The following FBXO7 variants were observed in gnomAD, a reference collection of about 807,000 sequenced individuals.
FBXO7 encodes the protein F-box protein 7.
A neutral mutation model predicts 50.2 loss-of-function variants in FBXO7; 31 were observed. That is an observed-to-expected ratio of 0.62 (90% confidence interval 0.46 to 0.83). FBXO7 has a LOEUF of 0.83. Ranked by LOEUF, FBXO7 falls within the 40% of genes least tolerant of loss-of-function variation. The pLI is 0.00. For synonymous variants in FBXO7, 256 were observed against 253.1 expected (o/e 1.01, Z -0.11); for missense variants, 667 against 646.6 (o/e 1.03, Z -0.34).
chr22:32,480,649 G>A (rs1469027218), intron 2 of FBXO7, among the ~76,000 whole-genome samples: 3 of 150,224 alleles, frequency 2.0e-5, no homozygotes, highest in Non-Finnish European at 3.0e-5. Flanking sequence ...TTATTGCCTT[G>A]TACATGCCTC....
chr22:32,479,137 A>G lies in FBXO7; in HGVS notation c.279A>G (p.Ser93=). The G allele has an allele frequency of 6.2e-7, 1 of 1,614,202 alleles. No individual in the cohort carries two copies. Among genetic ancestry groups the G allele is most frequent in the Non-Finnish European group, 8.5e-7 (1 of 1,180,040 alleles). Reference sequence around the variant, plus strand: ...CTAATATACCTTCATCCACAGATTCAGAGCATTCTTCACTCCAGAATAATG... The same window carrying G: ...CTAATATACCTTCATCCACAGATTCGGAGCATTCTTCACTCCAGAATAATG... ...PAPNIPSSTD[S]EHSSLQNNEQ... Residue 93 remains serine, a synonymous_variant, in exon 2 of 9, where the codon TCA becomes TCG. Coordinates refer to ENST00000266087, the MANE Select transcript of FBXO7 (RefSeq NM_012179.4).
At chr22:32,493,033 T>A in intron 6 of FBXO7, 72 bp from the exon 7 acceptor site, 1 of 1,454,248 alleles carries the variant, frequency 6.9e-7, no homozygotes, top group Non-Finnish European at 9.7e-7. Context: ...GTGGCAACTT[T>A]GTTGACTATG....
intron 1 of FBXO7, chr22:32,475,380 G>A: frequency 1.2e-6 from 2 of 1,611,510 alleles, no homozygotes; most frequent in Non-Finnish European, 1.7e-6. Flanking sequence ...GCCTCCCGGG[G>A]GCTCTGGTCC....
chr22:32,483,463 G>C (rs186990882), intron 2 of FBXO7, among the ~76,000 whole-genome samples: 54 of 152,316 alleles, frequency 3.5e-4, no homozygotes, highest in African/African-American at 1.3e-3. Context: ...CAGGGACTGG[G>C]GTGTATTGGA....
chr22:32,475,262 G>C, intron 1 of FBXO7, 138 bp downstream of exon 1: 2 of 1,561,322 alleles, frequency 1.3e-6, no homozygotes, highest in Non-Finnish European at 1.7e-6. Context: ...CGCCGGGGGG[G>C]CCTTCACGGG....
intron 8 of FBXO7, among the ~76,000 whole-genome samples, chr22:32,496,936 T>A (rs765779408): frequency 6.6e-6 from 1 of 152,180 alleles, no homozygotes; most frequent in Non-Finnish European, 1.5e-5. Context: ...ATGGGGGAGA[T>A]AAAAATATCA....
At chr22:32,480,807 C>T (rs747866726) in intron 2 of FBXO7, among the ~76,000 whole-genome samples, 3 of 151,816 alleles carry the variant, frequency 2.0e-5, no homozygotes, top group Admixed American at 6.6e-5. Context: ...GTAGTTGGGA[C>T]CACAGACACC....
chr22:32,485,741 A>G (rs1022077434), intron 4 of FBXO7, among the ~76,000 whole-genome samples: 1 of 152,170 alleles, frequency 6.6e-6, no homozygotes, highest in Non-Finnish European at 1.5e-5. Context: ...GCCTCCCCCA[A>G]CAAATGTCAC....
chr22:32,493,001 C>T (rs2146002472), intron 6 of FBXO7, 104 bp from the exon 7 acceptor site: 1 of 1,101,494 alleles, frequency 9.1e-7, no homozygotes, highest in East Asian at 2.3e-5. Context: ...ATCTAATTTT[C>T]TGTCACTTTA....
intron 2 of FBXO7, 114 bp downstream of exon 2, chr22:32,479,389 A>C: frequency 2.2e-6 from 2 of 922,632 alleles, no homozygotes; most frequent in Non-Finnish European, 1.6e-6. Context: ...CACATTTTAT[A>C]TATATTTTTT....
chr22:32,477,426 C>T (rs2057436178), intron 1 of FBXO7, among the ~76,000 whole-genome samples: 1 of 152,062 alleles, frequency 6.6e-6, no homozygotes, highest in South Asian at 2.1e-4. Flanking sequence ...GTTATTGTTC[C>T]TCACCACTGT....
chr22:32,484,767 CAT>C (rs1188771756), intron 3 of FBXO7, among the ~76,000 whole-genome samples: 3 of 152,140 alleles, frequency 2.0e-5, no homozygotes, highest in Admixed American at 2.0e-4. Context: ...TTTAAATAAT[CAT>C]ATGGCTTTGC....
At chr22:32,478,462 G>A (rs738265) in intron 1 of FBXO7, among the ~76,000 whole-genome samples, 95,950 of 152,078 alleles carry the variant, frequency 0.63, 30,471 homozygotes, top group East Asian at 0.69. Flanking sequence ...GCATGGATTA[G>A]TGATAGAGGA....
Position 32,495,510 on chromosome 22 carries a change from C to G in FBXO7, c.1162C>G (p.Gln388Glu), listed in dbSNP as rs1178562661. Residue 388 changes from glutamine (Q) to glutamate (E), a missense_variant, in exon 8 of 9, where the codon CAA becomes GAA. Gln to Glu is a conservative substitution (Grantham distance 29). Transcript: ENST00000266087. Reference protein sequence around the residue: ...RDFRDNTVRVQDTDWKELYRK... With the variant: ...RDFRDNTVRVEDTDWKELYRK... ...CTTTGTAGACAATACTGTCAGAGTT[C>G]AAGACACAGATTGGAAAGAAGTAGG... The G allele has an allele frequency of 6.4e-7, 1 of 1,570,846 alleles. No individual in the cohort carries two copies. Among genetic ancestry groups the G allele is most frequent in the Admixed American group, 1.7e-5 (1 of 58,364 alleles).
At chr22:32,491,898 C>T (rs922782292) in intron 6 of FBXO7, 15 of 152,082 alleles carry the variant, frequency 9.9e-5, no homozygotes, top group Non-Finnish European at 1.9e-4. Flanking sequence ...ACTTCTCACT[C>T]GTGTACATGT....
chr22:32,481,331 T>C (rs1473507204), intron 2 of FBXO7, among the ~76,000 whole-genome samples: 1 of 152,224 alleles, frequency 6.6e-6, no homozygotes, highest in Non-Finnish European at 1.5e-5. Flanking sequence ...TCTTTTTTGC[T>C]GATAGACTTG....
At chr22:32,478,893 T>C in intron 1 of FBXO7, 88 bp from the exon 2 acceptor site, 1 of 1,226,418 alleles carries the variant, frequency 8.2e-7, no homozygotes, top group Non-Finnish European at 1.2e-6. Context: ...TCTAGGGTCA[T>C]ACTGTGTACT....
intron 8 of FBXO7, 72 bp downstream of exon 8, chr22:32,495,602 A>G (rs2057569090): frequency 5.2e-6 from 4 of 776,690 alleles, no homozygotes; most frequent in East Asian, 5.3e-5. Flanking sequence ...TATTAAGGGT[A>G]TATTTTCACT....
intron 1 of FBXO7, 118 bp from the exon 2 acceptor site, chr22:32,478,863 T>G: frequency 1.0e-6 from 1 of 1,001,248 alleles, no homozygotes; most frequent in Non-Finnish European, 1.6e-6. Flanking sequence ...TGAGACCTTG[T>G]CTCTTCATCA....
Sources: gnomAD v4.1 joint callset for allele counts (sites outside exome capture counted in the v4.1 genomes callset) on GRCh38, gnomAD v4.1.1 for gene constraint, MANE v1.5 for transcripts, NCBI Gene and HGNC (gene_info 2026-07-23, HGNC 2026-07-21) for gene names.